SMARCAD1: variants seen among roughly 807,000 people sequenced by gnomAD.
The protein encoded by SMARCAD1 is SNF2 related chromatin remodeling ATPase with DExD box 1, also known as SWI/SNF-related matrix-associated actin-dependent regulator of chromatin subfamily A containing DEAD/H box 1.
A neutral mutation model predicts 127.1 loss-of-function variants in SMARCAD1; 25 were observed. The observed-to-expected ratio is 0.20, with a 90% CI of 0.14 to 0.27. The LOEUF is 0.27. Ranked by LOEUF, SMARCAD1 falls within the 10% of genes least tolerant of loss-of-function variation. The pLI is 1.00. For synonymous variants in SMARCAD1, 400 were observed against 396.9 expected, an observed-to-expected ratio of 1.01 and a Z score of -0.09; for missense variants, 807 against 1,206.0, an observed-to-expected ratio of 0.67 and a Z score of 4.90.
Position 94,281,482 on chromosome 4 carries a change from T to C in SMARCAD1, c.2618T>C (p.Val873Ala). 6.2e-7 allele frequency: 1 copy of C among 1,606,422 alleles called. No homozygotes were observed. The highest frequency in any genetic ancestry group is 1.1e-5 in the South Asian group (1 of 90,942). ...TATGTATTTTCACAGGGTGATAGAGTTGTGTTATTTAGCCAATTTACCATG... is the reference window on the plus strand; with the variant it reads ...TATGTATTTTCACAGGGTGATAGAGCTGTGTTATTTAGCCAATTTACCATG... ...LSELKQKGDR[V>A]VLFSQFTMML... The change falls in exon 21 of 24, where the codon GTT becomes GCT. Residue 873 changes from valine to alanine, a missense_variant. Val to Ala is a moderately conservative substitution (Grantham distance 64). Coordinates refer to ENST00000354268, the MANE Select transcript of SMARCAD1 (RefSeq NM_020159.5).
In SMARCAD1 at chr4:94,237,034, T is replaced by G. The variant is rs1746768097; in HGVS notation, c.604+16T>G. 2 of 1,606,784 alleles carry G rather than the reference T, an allele frequency of 1.2e-6. No homozygotes were observed. Among genetic ancestry groups the G allele is most frequent in the Non-Finnish European group, 1.7e-6 (2 of 1,174,058 alleles). On this transcript the variant is annotated intron_variant, in intron 5 of 23. Transcript: ENST00000354268. ...GGTGATGCAGGTATGCTTGACTTAATTTTAAGCCATGTCGATTTATTGTTA... is the reference window on the plus strand; with the variant it reads ...GGTGATGCAGGTATGCTTGACTTAAGTTTAAGCCATGTCGATTTATTGTTA...
rs190617737 is a variant in SMARCAD1 at position 94,222,539 on chromosome 4, T to G, written c.191-3580T>G. Among the ~76,000 whole-genome samples, 536 of 152,114 alleles carry G rather than the reference T, an allele frequency of 3.5e-3. 3 individuals carry two copies. The Middle Eastern group carries it at 0.055, about 16-fold the overall frequency. On this transcript the variant is annotated intron_variant, in intron 2 of 23. Transcript: ENST00000354268. ...GTACAGTCTGCATGTTTAATGTATATATTTTGAGAGTATATATTACATATC... is the reference window on the plus strand; with the variant it reads ...GTACAGTCTGCATGTTTAATGTATAGATTTTGAGAGTATATATTACATATC...
chr4:94,241,824 C>T (rs1747616726), intron 6 of SMARCAD1, among the ~76,000 whole-genome samples: 1 of 152,072 alleles, frequency 6.6e-6, no homozygotes. Flanking sequence ...GACTTGCATG[C>T]ACAGACTCAA....
At position 94,208,561 on chromosome 4, in the gene SMARCAD1, A is replaced by G; in HGVS notation, c.167A>G (p.Asp56Gly). Residue 56 changes from aspartate (D) to glycine (G), a missense_variant, in exon 2 of 24, where the codon GAT becomes GGT. This residue lies in a region of SMARCAD1 where 175 missense variants were observed against 169.5 expected (regional missense o/e 1.03). Coordinates refer to ENST00000354268, the MANE Select transcript of SMARCAD1 (RefSeq NM_020159.5). ...GAAGTTAGCAGGGCAAACACTCCTG[A>G]TTCAGATATAACTGAAAAAACAGGT... Reference protein sequence around the residue: ...EGEVSRANTPDSDITEKTEDS... With the variant: ...EGEVSRANTPGSDITEKTEDS... The G allele has an allele frequency of 6.2e-7, 1 of 1,614,148 alleles. No individual in the cohort carries two copies. Among genetic ancestry groups the G allele is most frequent in the Non-Finnish European group, 8.5e-7 (1 of 1,179,984 alleles).
chr4:94,276,107 T>C (rs1486964931), intron 14 of SMARCAD1, among the ~76,000 whole-genome samples: 4 of 152,182 alleles, frequency 2.6e-5, no homozygotes, highest in African/African-American at 9.7e-5. Flanking sequence ...TTTTAACATT[T>C]TCTTTCAATT....
chr4:94,232,652 C>G (rs1746018699), intron 3 of SMARCAD1, among the ~76,000 whole-genome samples: 1 of 152,128 alleles, frequency 6.6e-6, no homozygotes, highest in African/African-American at 2.4e-5. Flanking sequence ...AACCTAGAAG[C>G]TTTTGAAATA....
chr4:94,242,772 C>T (rs1357982039), intron 6 of SMARCAD1, among the ~76,000 whole-genome samples: 1 of 151,182 alleles, frequency 6.6e-6, no homozygotes. Context: ...TTTTAATTAG[C>T]TGGGCATGCT....
At chr4:94,234,462 A>G (rs1185522975) in intron 4 of SMARCAD1, among the ~76,000 whole-genome samples, 3 of 152,164 alleles carry the variant, frequency 2.0e-5, no homozygotes, top group Non-Finnish European at 4.4e-5. Flanking sequence ...AACTGTGACA[A>G]GGGTTTTTAG....
chr4:94,262,825 G>A (rs372565503), intron 9 of SMARCAD1, among the ~76,000 whole-genome samples: 63 of 148,536 alleles, frequency 4.2e-4, no homozygotes, highest in African/African-American at 1.0e-3. Flanking sequence ...CCCAATGTTC[G>A]TAGACCACAA....
At chr4:94,264,431 C>T (rs375341191) in intron 9 of SMARCAD1, 1 of 286,466 alleles carries the variant, frequency 3.5e-6, no homozygotes, top group Non-Finnish European at 6.5e-6. Context: ...GAATAGCTGC[C>T]AGGGTCAAAG....
chr4:94,274,900 A>G lies in SMARCAD1; in HGVS notation c.1743A>G (p.Glu581=). ...GTTTTTAAATTCTAGGTTCTCAAGAAGAACGTAAACAAATTAGATTTAACA... is the reference window on the plus strand; with the variant it reads ...GTTTTTAAATTCTAGGTTCTCAAGAGGAACGTAAACAAATTAGATTTAACA... ...LKVLCYYGSQ[E]ERKQIRFNIH... The change falls in exon 14 of 24, where the codon GAA becomes GAG. Residue 581 remains glutamate, a synonymous_variant. Transcript: ENST00000354268. 1 of 1,603,322 alleles carries G rather than the reference A, an allele frequency of 6.2e-7. No homozygotes were observed. Among genetic ancestry groups the G allele is most frequent in the Non-Finnish European group, 8.5e-7 (1 of 1,170,510 alleles).
chr4:94,268,222 C>T lies in SMARCAD1; in HGVS notation c.1482-2506C>T, dbSNP rs1193971875. 5.8e-4 allele frequency among the ~76,000 whole-genome samples: 89 copies of T among 152,186 alleles called. 1 individual carries two copies. Among genetic ancestry groups the T allele is most frequent in the Non-Finnish European group, 5.9e-5 (4 of 67,990 alleles). On this transcript the variant is annotated intron_variant, in intron 10 of 23. Coordinates refer to ENST00000354268, the MANE Select transcript of SMARCAD1 (RefSeq NM_020159.5). ...CCATAATTTGTCATTTTGAATAAAG[C>T]AATTTTATTTAAATTTTAAAAATCT...
chr4:94,289,364 G>A (rs1359919916), intron 23 of SMARCAD1, 109 bp from the exon 24 acceptor site: 3 of 962,654 alleles, frequency 3.1e-6, no homozygotes, highest in African/African-American at 3.3e-5. Flanking sequence ...AAGCAAACTA[G>A]CCCTTGAAAG....
chr4:94,251,954 C>T (rs892717088), intron 8 of SMARCAD1, among the ~76,000 whole-genome samples: 2 of 152,108 alleles, frequency 1.3e-5, no homozygotes, highest in South Asian at 2.1e-4. Flanking sequence ...CAGGTTCAAG[C>T]GATTCTCCTG....
chr4:94,235,341 C>A lies in SMARCAD1; in HGVS notation c.537+1219C>A, dbSNP rs537391959. Reference sequence around the variant, plus strand: ...CTGCTTTCACCTAGTGGAAAAGATTCGTCGCTGTTGCAGGATGTACTTTGT... The same window carrying A: ...CTGCTTTCACCTAGTGGAAAAGATTAGTCGCTGTTGCAGGATGTACTTTGT... On this transcript the variant is annotated intron_variant, in intron 4 of 23. Coordinates refer to ENST00000354268, the MANE Select transcript of SMARCAD1 (RefSeq NM_020159.5). 3.1e-4 allele frequency among the ~76,000 whole-genome samples: 44 copies of A among 140,608 alleles called. No individual in the cohort carries two copies. In the South Asian group the frequency reaches 0.01, roughly 32 times the overall value. 92.2% of individuals were successfully genotyped at this position (140,608 alleles called of 152,430 possible).
At chr4:94,274,654 C>T in intron 12 of SMARCAD1, 84 bp from the exon 13 acceptor site, 1 of 1,248,852 alleles carries the variant, frequency 8.0e-7, no homozygotes, top group Non-Finnish European at 1.2e-6. Flanking sequence ...TTCTGAGTAG[C>T]ACTTGTCAAA....
At chr4:94,238,501 A>G (rs1408827680) in intron 5 of SMARCAD1, among the ~76,000 whole-genome samples, 1 of 152,128 alleles carries the variant, frequency 6.6e-6, no homozygotes, top group Non-Finnish European at 1.5e-5. Flanking sequence ...TTAGAGGTGA[A>G]TGTTAGCTGT....
chr4:94,216,268 A>G (rs1743162739), intron 2 of SMARCAD1, among the ~76,000 whole-genome samples: 1 of 152,106 alleles, frequency 6.6e-6, no homozygotes, highest in Non-Finnish European at 1.5e-5. Flanking sequence ...AGATTTCAAC[A>G]TACCGTTTTG....
At chr4:94,231,219 C>G (rs991478811) in intron 3 of SMARCAD1, among the ~76,000 whole-genome samples, 1 of 152,002 alleles carries the variant, frequency 6.6e-6, no homozygotes. Context: ...AACCCTGGCA[C>G]ATGGAATTAA....
Sources: gnomAD v4.1 joint callset for allele counts (sites outside exome capture counted in the v4.1 genomes callset) on GRCh38, gnomAD v4.1.1 for gene constraint, gnomAD v4.1.1 regional missense constraint, MANE v1.5 for transcripts, NCBI Gene and HGNC (gene_info 2026-07-23, HGNC 2026-07-21) for gene names.